The following IGDCC3 variants were observed in gnomAD, a reference collection of about 807,000 sequenced individuals.
IGDCC3 encodes immunoglobulin superfamily DCC subclass member 3.
IGDCC3 carries 47 observed loss-of-function variants against 72.0 expected under a neutral mutation model. The observed-to-expected ratio is 0.65, with a 90% confidence interval of 0.52 to 0.83. The LOEUF (loss-of-function observed/expected upper bound fraction) is 0.83, where lower values mean the gene tolerates loss of function less well. Among genes scored for constraint, IGDCC3 ranks in the 40% least tolerant of loss-of-function variants. The probability of loss-of-function intolerance (pLI) is 0.00; values close to 1 mark genes in which losing one functional copy is unlikely to be tolerated. For synonymous variants in IGDCC3, 477 were observed against 472.8 expected, an observed-to-expected ratio of 1.01 and a Z score of -0.11; for missense variants, 1,038 against 1,091.3, an observed-to-expected ratio of 0.95 and a Z score of 0.69.
At position 65,327,830 on chromosome 15, in the gene IGDCC3, A is replaced by C. The variant is rs1183256129; in HGVS notation, c.*1079T>G. On this transcript the variant is annotated 3_prime_UTR_variant, in exon 14 of 14. Coordinates refer to ENST00000327987, the MANE Select transcript of IGDCC3 (RefSeq NM_004884.4). ...TCACCCTCCCACACACCCATCCCAC[A>C]CATGGTACATTCCAGGGGCCGGGCC... 6.6e-6 allele frequency: 1 copy of C among 152,370 alleles called. No homozygotes were observed. The highest frequency in any genetic ancestry group is 1.9e-4 in the East Asian group (1 of 5,176). 9.4% of individuals were successfully genotyped at this position (152,370 alleles called of 1,614,324 possible).
chr15:65,336,018 G>C (rs2091026288), intron 2 of IGDCC3, 62 bp from the exon 3 acceptor site: 2 of 1,554,508 alleles, frequency 1.3e-6, no homozygotes, highest in Admixed American at 1.7e-5. Context: ...GGAGAGAATG[G>C]GCTGCAGTGG....
At chr15:65,364,167 C>T (rs1490508425) in intron 2 of IGDCC3, among the ~76,000 whole-genome samples, 2 of 152,216 alleles carry the variant, frequency 1.3e-5, no homozygotes, top group Non-Finnish European at 2.9e-5. Context: ...ATAGGTTCTC[C>T]AGGGGTGTGA....
intron 2 of IGDCC3, among the ~76,000 whole-genome samples, chr15:65,372,149 G>A (rs535685742): frequency 5.3e-5 from 8 of 152,278 alleles, no homozygotes; most frequent in African/African-American, 1.9e-4. Flanking sequence ...TGAGGAGTGC[G>A]GTGCCGGCTC....
At chr15:65,373,279 C>T (rs995072073) in intron 2 of IGDCC3, among the ~76,000 whole-genome samples, 1 of 152,134 alleles carries the variant, frequency 6.6e-6, no homozygotes, top group Non-Finnish European at 1.5e-5. Context: ...CAAATCTTAC[C>T]GGGGTCCCCA....
rs534361361 is a variant in IGDCC3 at position 65,361,171 on chromosome 15, G to A, written c.409+13926C>T. The stretch of plus-strand genomic sequence containing the variant: ...CCTACCGGCACAGTGGCTCAAGCCT[G>A]TAATCCCAGTACTTTGTTTGGCCGA... On this transcript the variant is annotated intron_variant, in intron 2 of 13. Coordinates refer to ENST00000327987, the MANE Select transcript of IGDCC3 (RefSeq NM_004884.4). 1.4e-3 allele frequency among the ~76,000 whole-genome samples: 209 copies of A among 151,974 alleles called. 2 individuals are homozygous for A. The highest frequency in any genetic ancestry group is 2.6e-3 in the Non-Finnish European group (174 of 67,978).
At chr15:65,368,123 G>A (rs1251786708) in intron 2 of IGDCC3, among the ~76,000 whole-genome samples, 2 of 150,528 alleles carry the variant, frequency 1.3e-5, no homozygotes, top group Non-Finnish European at 2.9e-5. Flanking sequence ...ATGGAGAACA[G>A]CCTTCAAGCT....
chr15:65,375,432 A>G, intron 1 of IGDCC3, 30 bp from the exon 2 acceptor site: 1 of 1,547,110 alleles, frequency 6.5e-7, no homozygotes, highest in Non-Finnish European at 8.8e-7. Context: ...ATGGAAGGAA[A>G]TAGGGGTGTT....
In IGDCC3 at chr15:65,328,657, G is replaced by C; in HGVS notation, c.*252C>G. On this transcript the variant is annotated 3_prime_UTR_variant, in exon 14 of 14. Coordinates refer to ENST00000327987, the MANE Select transcript of IGDCC3 (RefSeq NM_004884.4). Reference sequence around the variant, plus strand: ...TCAGTTCCAAGTCATGTGGGTACCAGGCAGAGGCAAGGGGGCGTCAGCCCA... The same window carrying C: ...TCAGTTCCAAGTCATGTGGGTACCACGCAGAGGCAAGGGGGCGTCAGCCCA... 5.1e-6 allele frequency: 2 copies of C among 391,568 alleles called. No individual in the cohort carries two copies. Among genetic ancestry groups the C allele is most frequent in the Non-Finnish European group, 9.0e-6 (2 of 222,870 alleles). The allele number at this position is 391,568 out of a possible 1,614,324, so 24.3% of individuals were successfully genotyped here.
In IGDCC3 at chr15:65,329,759, C is replaced by A; in HGVS notation, c.1964G>T (p.Cys655Phe). 2.5e-6 allele frequency: 4 copies of A among 1,614,150 alleles called. No individual in the cohort carries two copies. The highest frequency in any genetic ancestry group is 3.4e-6 in the Non-Finnish European group (4 of 1,180,034). The change falls in exon 12 of 14, where the codon TGT becomes TTT. Residue 655 changes from cysteine (C) to phenylalanine (F), a missense_variant. Cys to Phe is a radical substitution (Grantham distance 205). Coordinates refer to ENST00000327987, the MANE Select transcript of IGDCC3 (RefSeq NM_004884.4). This position sits in a 1 kb window ranked among gnomAD's most constrained non-coding sequence, Gnocchi z 4.1. Reference protein sequence around the residue: ...IHIGVTCIIFCVLFLLFGQRG... With the variant: ...IHIGVTCIIFFVLFLLFGQRG... ...TTGGCCGAACAGGAGGAAGAGGACACAGAAGATGATGCAAGTGACCCCGAT... is the reference window on the plus strand; with the variant it reads ...TTGGCCGAACAGGAGGAAGAGGACAAAGAAGATGATGCAAGTGACCCCGAT...
chr15:65,375,273 T>A lies in IGDCC3; in HGVS notation c.233A>T (p.Asn78Ile). The change falls in exon 2 of 14, where the codon AAT (asparagine) becomes ATT (isoleucine). Residue 78 changes from asparagine to isoleucine, a missense_variant. By Grantham distance (149) the Asn-to-Ile change is moderately radical. Transcript: ENST00000327987. ...GGTACTCTCTGGCAGCTCTACCCCA[T>A]TCTTCCTCCAGGTGATTCGCACTGG... Reference protein sequence around the residue: ...TPPVRITWRKNGVELPESTHS... With the variant: ...TPPVRITWRKIGVELPESTHS... The A allele has an allele frequency of 6.2e-7, 1 of 1,614,132 alleles. No individual in the cohort carries two copies. Among genetic ancestry groups the A allele is most frequent in the Non-Finnish European group, 8.5e-7 (1 of 1,180,022 alleles).
intron 2 of IGDCC3, among the ~76,000 whole-genome samples, chr15:65,368,236 G>T (rs2091301168): frequency 2.0e-5 from 3 of 150,220 alleles, no homozygotes; most frequent in Non-Finnish European, 4.4e-5. Context: ...AGGGGAGAGG[G>T]AAAGGCAATA....
chr15:65,332,014 G>A lies in IGDCC3; in HGVS notation c.1075C>T (p.Pro359Ser), dbSNP rs373957008. 1.8e-5 allele frequency: 29 copies of A among 1,614,090 alleles called. No homozygotes were observed. Among genetic ancestry groups the A allele is most frequent in the Non-Finnish European group, 2.4e-5 (28 of 1,180,044 alleles). The change falls in exon 7 of 14, where the codon CCT becomes TCT. Residue 359 changes from proline to serine, a missense_variant. Coordinates refer to ENST00000327987, the MANE Select transcript of IGDCC3 (RefSeq NM_004884.4). ...CCATTTTTCAGCCACGTGACATGAG[G>A]CGGTGGCTCACCCTGGGCTTGGCAG... ...FTCQAQGEPP[P>S]HVTWLKNGQV...
intron 5 of IGDCC3, 25 bp downstream of exon 5, chr15:65,334,703 C>G: frequency 6.5e-7 from 1 of 1,528,602 alleles, no homozygotes; most frequent in South Asian, 1.2e-5. Context: ...CTGGGAGGGG[C>G]AGGGGCTGTG....
intron 2 of IGDCC3, 113 bp from the exon 3 acceptor site, chr15:65,336,069 G>T (rs929759300): frequency 2.4e-5 from 27 of 1,130,056 alleles, no homozygotes; most frequent in Middle Eastern, 5.7e-4. Context: ...CCATCCAGGG[G>T]CAGGAGTTTT....
At chr15:65,364,511 T>C (rs1178075511) in intron 2 of IGDCC3, among the ~76,000 whole-genome samples, 2 of 152,096 alleles carry the variant, frequency 1.3e-5, no homozygotes, top group African/African-American at 4.8e-5. Flanking sequence ...TCAGAGACCC[T>C]CTGCAATCTG....
intron 7 of IGDCC3, 87 bp downstream of exon 7, chr15:65,331,854 G>A (rs2090980673): frequency 6.8e-7 from 1 of 1,472,274 alleles, no homozygotes; most frequent in African/African-American, 1.4e-5. Context: ...CTGGCAGGAG[G>A]TGTACAGCCT....
intron 2 of IGDCC3, among the ~76,000 whole-genome samples, chr15:65,367,904 A>AACAC (rs944520719): frequency 6.6e-6 from 1 of 151,978 alleles, no homozygotes; most frequent in South Asian, 2.1e-4. Context: ...CCCACCTGGC[A>AACAC]ACACACACAC....
intron 2 of IGDCC3, among the ~76,000 whole-genome samples, chr15:65,343,477 G>A (rs1160601380): frequency 6.6e-6 from 1 of 152,096 alleles, no homozygotes; most frequent in African/African-American, 2.4e-5. Flanking sequence ...CTTCTGCCTG[G>A]GGGCTTCACG....
At chr15:65,331,300 C>T (rs773948585) in intron 8 of IGDCC3, 86 bp from the exon 9 acceptor site, 201 of 1,573,192 alleles carry the variant, frequency 1.3e-4, no homozygotes, top group Admixed American at 3.3e-4. Flanking sequence ...CCAGGGTGCC[C>T]GGGGGGACAG....
Sources: allele counts gnomAD v4.1 joint callset (sites outside exome capture counted in the v4.1 genomes callset), GRCh38; gene constraint gnomAD v4.1.1; non-coding constraint Gnocchi (gnomAD v3.1); transcripts MANE v1.5; gene names NCBI Gene and HGNC (gene_info 2026-07-23, HGNC 2026-07-21).